FREM3: variants seen among roughly 807,000 people sequenced by gnomAD.
The protein encoded by FREM3 is FRAS1-related extracellular matrix protein 3.
FREM3 carries 105 observed loss-of-function variants against 129.1 expected under a neutral mutation model. The ratio of observed to expected loss-of-function variants is 0.81; its 90% CI spans 0.69 to 0.96. The LOEUF is 0.96. Among genes scored for constraint, FREM3 ranks in the 40% least tolerant of loss-of-function variants. The pLI is 0.00. For synonymous variants in FREM3, 1,014 were observed against 1,044.9 expected (o/e 0.97, Z 0.57); for missense variants, 2,593 against 2,666.3 (o/e 0.97, Z 0.61).
intron 6 of FREM3, among the ~76,000 whole-genome samples, chr4:143,593,727 C>T (rs1179209294): frequency 2.0e-5 from 3 of 152,206 alleles, no homozygotes; most frequent in Non-Finnish European, 2.9e-5. Flanking sequence ...AGATCTCAAG[C>T]TGCATGCTGG....
intron 6 of FREM3, among the ~76,000 whole-genome samples, chr4:143,593,220 C>CTT (rs941211262): frequency 3.3e-5 from 5 of 152,292 alleles, no homozygotes; most frequent in Admixed American, 2.6e-4. Flanking sequence ...CTATTGAAGC[C>CTT]TTCCTCTCTC....
rs775326377 is a variant in FREM3, at chr4:143,695,865, T to G, written c.4811A>C (p.Asn1604Thr). The change falls in exon 1 of 8, where the codon AAC (asparagine) becomes ACC (threonine). Residue 1604 changes from asparagine (N) to threonine (T), a missense_variant. Physicochemically the swap from Asn to Thr is moderately conservative, Grantham distance 65. This residue lies in a region of FREM3 where 2,276 missense variants were observed against 2,267.2 expected (regional missense o/e 1.00). Transcript: ENST00000329798. ...GCCGTCATGCTTGTAGCTAATCAGG[T>G]TCTTGTTCAGGTCTTGCTTGGTGAA... is the stretch of plus-strand genomic sequence containing the variant. ...TTFTKQDLNKNLISYKHDGSE... is the reference protein window; with the variant it reads ...TTFTKQDLNKTLISYKHDGSE... 1.2e-5 allele frequency: 18 copies of G among 1,537,330 alleles called. No individual in the cohort carries two copies. Among genetic ancestry groups the G allele is most frequent in the Admixed American group, 2.0e-5 (1 of 50,970 alleles).
rs748688267 is a variant in FREM3, at chr4:143,699,699, G to A, written c.977C>T (p.Thr326Met). 9 of 1,520,852 alleles carry A rather than the reference G, an allele frequency of 5.9e-6. No individual in the cohort carries two copies. Among genetic ancestry groups the A allele is most frequent in the Non-Finnish European group, 7.0e-6 (8 of 1,137,594 alleles). The allele number at this position is 1,520,852 out of a possible 1,614,324, so 94.2% of individuals were successfully genotyped here. A position where few individuals can be genotyped will look rare whatever the true frequency, so the allele number is the denominator to read the frequency against. The change falls in exon 1 of 8, where the codon ACG becomes ATG. Residue 326 changes from threonine to methionine, a missense_variant. Thr to Met is a moderately conservative substitution (Grantham distance 81). This residue lies in a region of FREM3 where 2,276 missense variants were observed against 2,267.2 expected (regional missense o/e 1.00). Transcript: ENST00000329798. The surrounding 1 kb of genome is among the most constrained non-coding windows in gnomAD (Gnocchi z 4.2). ...GTCCTCCGCGGCCAGTGCGTCAGGC[G>A]TCAGGGCTGTCAGCACCAGTGGATC... is the stretch of plus-strand genomic sequence containing the variant. ...EVDPLVLTALTPDALAAEDVE... is the reference protein window; with the variant it reads ...EVDPLVLTALMPDALAAEDVE...
chr4:143,608,469 T>C (rs1366957623), intron 6 of FREM3, among the ~76,000 whole-genome samples: 1 of 152,182 alleles, frequency 6.6e-6, no homozygotes, highest in Non-Finnish European at 1.5e-5. Context: ...CTAGCTTTTG[T>C]AGTTTTCAGG....
rs1285489292 is a variant in FREM3, at chr4:143,610,016, T to C, written c.6028+1263A>G. On this transcript the variant is annotated intron_variant, in intron 6 of 7. Transcript: ENST00000329798. Reference sequence around the variant, plus strand: ...GGAATATATTGAAAATTTACTCAAATTATTTTAAGAAAAACAATCTTTGTT... The same window carrying C: ...GGAATATATTGAAAATTTACTCAAACTATTTTAAGAAAAACAATCTTTGTT... Among the ~76,000 whole-genome samples, 3 of 152,178 alleles carry C rather than the reference T, an allele frequency of 2.0e-5. No homozygotes were observed. The East Asian group carries it at 5.8e-4, about 29-fold the overall frequency.
At chr4:143,578,282 C>T (rs1025960594) in intron 7 of FREM3, among the ~76,000 whole-genome samples, 1 of 152,208 alleles carries the variant, frequency 6.6e-6, no homozygotes, top group African/African-American at 2.4e-5. Context: ...AATCTCACAA[C>T]ACTCTGCTCA....
chr4:143,608,505 T>C (rs1446363687), intron 6 of FREM3, among the ~76,000 whole-genome samples: 1 of 152,186 alleles, frequency 6.6e-6, no homozygotes, highest in Non-Finnish European at 1.5e-5. Context: ...GAGCCTATTC[T>C]AATTGTTAGG....
At chr4:143,581,681 A>G (rs536146269) in intron 7 of FREM3, among the ~76,000 whole-genome samples, 3 of 152,120 alleles carry the variant, frequency 2.0e-5, no homozygotes. Flanking sequence ...TGCCATATGG[A>G]CAGGAGCCAA....
intron 5 of FREM3, among the ~76,000 whole-genome samples, chr4:143,617,934 C>T (rs1738879593): frequency 1.3e-5 from 2 of 152,150 alleles, no homozygotes; most frequent in Admixed American, 1.3e-4. Flanking sequence ...AGCTGGGCTT[C>T]TTCTGGTATT....
At chr4:143,653,948 T>A (rs945936192) in intron 2 of FREM3, among the ~76,000 whole-genome samples, 1 of 152,052 alleles carries the variant, frequency 6.6e-6, no homozygotes, top group Admixed American at 6.6e-5. Flanking sequence ...GAGAAAAAAG[T>A]TTTTTAAATT....
At chr4:143,680,812 T>C (rs1392122137) in intron 2 of FREM3, among the ~76,000 whole-genome samples, 1 of 152,122 alleles carries the variant, frequency 6.6e-6, no homozygotes, top group African/African-American at 2.4e-5. Flanking sequence ...GATATTACTT[T>C]AACTGCATGG....
chr4:143,689,969 C>G (rs1740435794), intron 2 of FREM3, among the ~76,000 whole-genome samples: 1 of 148,550 alleles, frequency 6.7e-6, no homozygotes, highest in South Asian at 2.1e-4. Flanking sequence ...AAAGAACTTA[C>G]TCATGTAACC....
chr4:143,604,974 C>T (rs1466420684), intron 6 of FREM3, among the ~76,000 whole-genome samples: 1 of 152,032 alleles, frequency 6.6e-6, no homozygotes, highest in Admixed American at 6.6e-5. Flanking sequence ...TTAATTCATT[C>T]AAGGATAATC....
At chr4:143,681,720 G>A (rs1029712570) in intron 2 of FREM3, among the ~76,000 whole-genome samples, 1 of 152,174 alleles carries the variant, frequency 6.6e-6, no homozygotes, top group African/African-American at 2.4e-5. Flanking sequence ...ATGACTATGT[G>A]AGAGGAAAGA....
At chr4:143,642,856 CA>C (rs1739345227) in intron 2 of FREM3, among the ~76,000 whole-genome samples, 1 of 152,062 alleles carries the variant, frequency 6.6e-6, no homozygotes, top group Non-Finnish European at 1.5e-5. Flanking sequence ...GAAGTGTTTG[CA>C]AACTACACAT....
intron 6 of FREM3, among the ~76,000 whole-genome samples, chr4:143,603,225 C>T (rs1401279465): frequency 1.3e-5 from 2 of 152,154 alleles, no homozygotes; most frequent in African/African-American, 2.4e-5. Context: ...CCATGGACTG[C>T]AGTGATGAGC....
intron 7 of FREM3, among the ~76,000 whole-genome samples, chr4:143,584,415 CAAAAA>C (rs33979492): frequency 3.3e-5 from 3 of 90,820 alleles, no homozygotes; most frequent in Non-Finnish European, 4.5e-5. Context: ...GACTCCGTCT[CAAAAA>C]AAAAAAAAAA....
intron 3 of FREM3, 97 bp downstream of exon 3, chr4:143,627,517 C>A: frequency 9.2e-7 from 1 of 1,085,006 alleles, no homozygotes; most frequent in Non-Finnish European, 1.3e-6. Flanking sequence ...CAAACCAGTT[C>A]TTTATTCTCT....
intron 2 of FREM3, among the ~76,000 whole-genome samples, chr4:143,659,452 G>T (rs1163137748): frequency 6.6e-6 from 1 of 152,136 alleles, no homozygotes; most frequent in Non-Finnish European, 1.5e-5. Flanking sequence ...TGGTGTATAT[G>T]TGCCACATTT....
Sources: gnomAD v4.1 joint callset for allele counts (sites outside exome capture counted in the v4.1 genomes callset) on GRCh38, gnomAD v4.1.1 for gene constraint, gnomAD v4.1.1 regional missense constraint, Gnocchi (gnomAD v3.1) non-coding constraint, MANE v1.5 for transcripts, NCBI Gene and HGNC (gene_info 2026-07-23, HGNC 2026-07-21) for gene names.